The following PPP2R3A variants were observed in gnomAD, a reference collection of about 807,000 sequenced individuals.
PPP2R3A encodes protein phosphatase 2 regulatory subunit B''alpha.
PPP2R3A carries 80 observed loss-of-function variants against 106.9 expected under a neutral mutation model. The observed-to-expected ratio is 0.75, with a 90% CI of 0.62 to 0.90. The LOEUF is 0.90. Among genes scored for constraint, PPP2R3A ranks in the 40% least tolerant of loss-of-function variants. The pLI is 0.00. For missense variants in PPP2R3A, 1,386 were observed against 1,350.4 expected, an observed-to-expected ratio of 1.03 and a Z score of -0.41; for synonymous variants, 483 against 468.3, an observed-to-expected ratio of 1.03 and a Z score of -0.41.
chr3:136,006,985 C>G (rs931941401), intron 2 of PPP2R3A, among the ~76,000 whole-genome samples: 6 of 152,304 alleles, frequency 3.9e-5, no homozygotes, highest in South Asian at 4.1e-4. Flanking sequence ...AGAAGCCTAC[C>G]TGTCCTTCAG....
rs117293820 is a variant in PPP2R3A, at chr3:136,065,957, A to T, written c.2470-4521A>T. On this transcript the variant is annotated intron_variant, in intron 5 of 13. Transcript: ENST00000264977. ...TTGTAAGTGCTGGAATTGCAGGTGA[A>T]TCACTGCACCTAGCCAGAAGAAACT... Among the ~76,000 whole-genome samples, 368 of 152,316 alleles carry T rather than the reference A, an allele frequency of 2.4e-3. 11 individuals carry two copies. In the East Asian group the frequency reaches 0.06, roughly 25 times the overall value.
intron 2 of PPP2R3A, among the ~76,000 whole-genome samples, chr3:136,012,051 T>C (rs1934104930): frequency 6.6e-6 from 1 of 152,062 alleles, no homozygotes. Context: ...GAGTATTTTA[T>C]AGCACCAGTC....
In PPP2R3A at chr3:136,003,078, T is replaced by C. The variant is rs1933704039; in HGVS notation, c.1580T>C (p.Leu527Pro). 6.2e-7 allele frequency: 1 copy of C among 1,611,514 alleles called. No individual in the cohort carries two copies. The highest frequency in any genetic ancestry group is 8.5e-7 in the Non-Finnish European group (1 of 1,179,396). Residue 527 changes from leucine (L) to proline (P), a missense_variant, in exon 2 of 14, where the codon CTA becomes CCA. Leu to Pro is a moderately conservative substitution (Grantham distance 98). Coordinates refer to ENST00000264977, the MANE Select transcript of PPP2R3A (RefSeq NM_002718.5). Reference sequence around the variant, plus strand: ...TTTTCACAGAAGATGGAGACCTCTCTAAGAGAGCCACTTGCGAAGGGTAAA... The same window carrying C: ...TTTTCACAGAAGATGGAGACCTCTCCAAGAGAGCCACTTGCGAAGGGTAAA... ...ESFSQKMETS[L>P]REPLAKGKNS...
intron 13 of PPP2R3A, among the ~76,000 whole-genome samples, chr3:136,109,859 G>A (rs1257927390): frequency 6.6e-6 from 1 of 152,136 alleles, no homozygotes. Context: ...CTTCATAGTA[G>A]AATGTATAAA....
chr3:135,992,505 A>T (rs1188173713), intron 1 of PPP2R3A, among the ~76,000 whole-genome samples: 1 of 152,182 alleles, frequency 6.6e-6, no homozygotes, highest in Non-Finnish European at 1.5e-5. Context: ...ATGTTTCCTG[A>T]AGTGGAACAA....
intron 10 of PPP2R3A, 40 bp downstream of exon 10, chr3:136,090,707 A>T (rs767891450): frequency 5.9e-6 from 9 of 1,527,060 alleles, no homozygotes; most frequent in Middle Eastern, 1.7e-4. Flanking sequence ...TGTTAAACAC[A>T]TGCACAAAGC....
At chr3:136,100,347 CA>C (rs573945983) in intron 10 of PPP2R3A, among the ~76,000 whole-genome samples, 19 of 141,480 alleles carry the variant, frequency 1.3e-4, no homozygotes, top group Non-Finnish European at 7.8e-5. Flanking sequence ...CTGTCTCTAC[CA>C]AAAAAAAAAG....
chr3:136,068,333 A>T (rs1284984683), intron 5 of PPP2R3A, among the ~76,000 whole-genome samples: 1 of 152,030 alleles, frequency 6.6e-6, no homozygotes, highest in Non-Finnish European at 1.5e-5. Flanking sequence ...GAATGAAATA[A>T]ATACCCATGA....
At chr3:136,064,616 AAAAGT>A (rs1254331929) in intron 5 of PPP2R3A, among the ~76,000 whole-genome samples, 2 of 152,224 alleles carry the variant, frequency 1.3e-5, no homozygotes, top group Non-Finnish European at 2.9e-5. Context: ...TTTCATGAAA[AAAAGT>A]AAATTAAAAA....
intron 3 of PPP2R3A, among the ~76,000 whole-genome samples, chr3:136,033,146 GT>G (rs1934964891): frequency 6.6e-6 from 1 of 152,118 alleles, no homozygotes. Flanking sequence ...TGTGATTTTG[GT>G]TTTTAATTCT....
At chr3:136,104,288 GTTTC>G (rs1229940195) in intron 12 of PPP2R3A, among the ~76,000 whole-genome samples, 3 of 139,210 alleles carry the variant, frequency 2.2e-5, no homozygotes, top group East Asian at 2.5e-4. Context: ...TTTTATATTT[GTTTC>G]TTTCTTTGTG....
At chr3:135,966,037 C>T (rs935521580) in intron 1 of PPP2R3A, among the ~76,000 whole-genome samples, 188 bp downstream of exon 1, 24 of 151,578 alleles carry the variant, frequency 1.6e-4, no homozygotes, top group African/African-American at 5.6e-4. Context: ...GAATTCCAGT[C>T]GGTGCGGTGC....
intron 13 of PPP2R3A, among the ~76,000 whole-genome samples, chr3:136,142,993 G>C (rs1938938871): frequency 6.6e-6 from 1 of 152,174 alleles, no homozygotes; most frequent in African/African-American, 2.4e-5. Flanking sequence ...CTCTCCTATT[G>C]CCTCCTTATC....
intron 13 of PPP2R3A, among the ~76,000 whole-genome samples, chr3:136,117,502 AGAGAG>A (rs1412586690): frequency 6.6e-6 from 1 of 152,230 alleles, no homozygotes; most frequent in Non-Finnish European, 1.5e-5. Context: ...AAAGAAGAAA[AGAGAG>A]AAGAGTCAAA....
chr3:136,120,668 C>T (rs1937962711), intron 13 of PPP2R3A, among the ~76,000 whole-genome samples: 1 of 151,968 alleles, frequency 6.6e-6, no homozygotes, highest in South Asian at 2.1e-4. Context: ...AGAAAATATT[C>T]TCAAACTGTG....
At chr3:136,010,007 G>A (rs544282916) in intron 2 of PPP2R3A, among the ~76,000 whole-genome samples, 1 of 152,196 alleles carries the variant, frequency 6.6e-6, no homozygotes, top group Non-Finnish European at 1.5e-5. Context: ...CAGTCCTACT[G>A]TGTTTCCCTA....
chr3:136,070,643 A>G, intron 6 of PPP2R3A, 91 bp downstream of exon 6: 1 of 1,007,430 alleles, frequency 9.9e-7, no homozygotes, highest in Non-Finnish European at 1.4e-6. Context: ...TCTATGCAAA[A>G]GGTAACATGG....
chr3:136,055,872 G>C (rs1654285071), intron 5 of PPP2R3A: 1 of 433,662 alleles, frequency 2.3e-6, no homozygotes, highest in South Asian at 4.7e-5. Context: ...GTCTTAAAGA[G>C]GGGAGCGTAA....
intron 5 of PPP2R3A, among the ~76,000 whole-genome samples, chr3:136,064,000 A>C (rs1308435184): frequency 6.6e-6 from 1 of 151,440 alleles, no homozygotes; most frequent in African/African-American, 2.4e-5. Context: ...CACAATAGCA[A>C]AGACTTGGAA....
Sources: allele counts gnomAD v4.1 joint callset (sites outside exome capture counted in the v4.1 genomes callset), GRCh38; gene constraint gnomAD v4.1.1; transcripts MANE v1.5; gene names NCBI Gene and HGNC (gene_info 2026-07-23, HGNC 2026-07-21).